RNF150: variants seen among roughly 807,000 people sequenced by gnomAD.
The protein encoded by RNF150 is ring finger protein 150.
In RNF150, 24 loss-of-function variants were observed where a neutral mutation model predicts 39.3. That is an observed-to-expected ratio of 0.61 (90% CI 0.44 to 0.86). The LOEUF is 0.86. RNF150 is among the 40% of genes least tolerant of loss of function. The pLI is 0.00. For synonymous variants in RNF150, 255 were observed against 227.3 expected (o/e 1.12, Z -1.10); for missense variants, 502 against 587.8 (o/e 0.85, Z 1.51).
intron 1 of RNF150, among the ~76,000 whole-genome samples, chr4:141,146,755 T>C (rs354940): frequency 0.98 from 149,327 of 152,270 alleles, 73,298 homozygotes; most frequent in East Asian, 1. Flanking sequence ...TGGACCCATC[T>C]TGTAGGTCCT....
chr4:141,147,897 T>C (rs1249375070), intron 1 of RNF150, among the ~76,000 whole-genome samples: 5 of 152,162 alleles, frequency 3.3e-5, no homozygotes, highest in African/African-American at 1.2e-4. Flanking sequence ...TACTCAGAAA[T>C]ATGAGGCGTA....
intron 5 of RNF150, among the ~76,000 whole-genome samples, chr4:140,923,018 C>T (rs1197858942): frequency 2.7e-5 from 4 of 150,684 alleles, no homozygotes; most frequent in Admixed American, 1.3e-4. Flanking sequence ...ATAAAAACCC[C>T]AGAAGAAAAC....
At chr4:141,020,872 AAAAT>A (rs1341763964) in intron 1 of RNF150, among the ~76,000 whole-genome samples, 1 of 152,190 alleles carries the variant, frequency 6.6e-6, no homozygotes, top group African/African-American at 2.4e-5. Context: ...ATTGGACGTG[AAAAT>A]AAATAAACAC....
intron 1 of RNF150, among the ~76,000 whole-genome samples, chr4:141,035,916 T>A (rs577892494): frequency 1.3e-5 from 2 of 152,150 alleles, no homozygotes; most frequent in South Asian, 4.2e-4. Flanking sequence ...CGACATAACA[T>A]GGCAGTCAAA....
rs373537659 is a variant in RNF150 at position 141,034,681 on chromosome 4, T to C, written c.485-66808A>G. 3.3e-5 allele frequency among the ~76,000 whole-genome samples: 5 copies of C among 152,234 alleles called. No homozygotes were observed. In the East Asian group the frequency reaches 5.8e-4, roughly 18 times the overall value. ...CGGTAGGGTTATTAATTGGCCTAAT[T>C]TTAATATTTTTGGGTCTCAAGGAAC... On this transcript the variant is annotated intron_variant, in intron 1 of 6. Transcript: ENST00000515673.
intron 1 of RNF150, among the ~76,000 whole-genome samples, chr4:141,188,083 T>C (rs1031469002): frequency 1.3e-5 from 2 of 152,146 alleles, no homozygotes; most frequent in Admixed American, 6.5e-5. Context: ...CTGGAAAGGA[T>C]TGTGTTTCTC....
intron 1 of RNF150, among the ~76,000 whole-genome samples, chr4:141,068,038 C>G (rs919265699): frequency 6.6e-6 from 1 of 151,964 alleles, no homozygotes; most frequent in Non-Finnish European, 1.5e-5. Context: ...CTCTGCCTCC[C>G]AGGTTCAAGC....
At chr4:141,051,043 A>C (rs2110889787) in intron 1 of RNF150, among the ~76,000 whole-genome samples, 1 of 152,204 alleles carries the variant, frequency 6.6e-6, no homozygotes, top group East Asian at 1.9e-4. Context: ...GCCAAATCCC[A>C]ATTCTTGACT....
intron 1 of RNF150, among the ~76,000 whole-genome samples, chr4:141,078,304 C>T (rs185154879): frequency 6.6e-6 from 1 of 152,244 alleles, no homozygotes; most frequent in Admixed American, 6.5e-5. Flanking sequence ...CTTTTTCTCT[C>T]TTCCCCTCTT....
chr4:140,922,864 T>C lies in RNF150; in HGVS notation c.987+3113A>G, dbSNP rs542690299. On this transcript the variant is annotated intron_variant, in intron 5 of 6. Coordinates refer to ENST00000515673, the MANE Select transcript of RNF150 (RefSeq NM_020724.2). The stretch of plus-strand genomic sequence containing the variant: ...TGACAAACCTGACAAAAACCAGAAA[T>C]GGGGAAAGGATTCCCTATTTAATAA... Among the ~76,000 whole-genome samples the C allele has an allele frequency of 4.5e-4, 68 of 150,494 alleles. 1 individual carries two copies. Among genetic ancestry groups the C allele is most frequent in the Non-Finnish European group, 3.1e-4 (21 of 67,974 alleles).
At chr4:140,971,869 A>C (rs2111434442) in intron 1 of RNF150, among the ~76,000 whole-genome samples, 1 of 152,230 alleles carries the variant, frequency 6.6e-6, no homozygotes, top group East Asian at 1.9e-4. Flanking sequence ...CATTTCACAA[A>C]GCCTGTAATC....
At position 141,132,246 on chromosome 4, in the gene RNF150, C is replaced by T. The variant is rs1726912918; in HGVS notation, c.484+79G>A. 2.1e-6 allele frequency: 3 copies of T among 1,448,370 alleles called. No homozygotes were observed. The highest frequency in any genetic ancestry group is 2.5e-5 in the South Asian group (2 of 78,462). The allele number at this position is 1,448,370 out of a possible 1,614,324, so 89.7% of individuals were successfully genotyped here. On this transcript the variant is annotated intron_variant, in intron 1 of 6. Transcript: ENST00000515673. This position sits in a 1 kb window ranked among gnomAD's most constrained non-coding sequence, Gnocchi z 4.9. ...CGCCGCACGGACTTCCCAGAAGGAG[C>T]CTGGAGGCAGGCGCTGGATCCCTCT...
intron 2 of RNF150, among the ~76,000 whole-genome samples, chr4:140,956,784 G>T (rs1017815521): frequency 3.3e-5 from 5 of 152,134 alleles, no homozygotes; most frequent in African/African-American, 9.7e-5. Context: ...TGACAAACCT[G>T]AGAAAAACAA....
At chr4:141,197,255 G>T (rs772775162) in intron 1 of RNF150, among the ~76,000 whole-genome samples, 1 of 152,104 alleles carries the variant, frequency 6.6e-6, no homozygotes, top group Non-Finnish European at 1.5e-5. Flanking sequence ...TTGAATATAT[G>T]TTAGTGTTGT....
Position 141,208,385 on chromosome 4 carries a change from A to G in RNF150, c.-6+4409T>C, listed in dbSNP as rs1481265416. ...CAAGGAAAAAAAAAGGCAAGAAAAG[A>G]AAAGGAACACCAGCCACCAAAGCAC... On this transcript the variant is annotated intron_variant, in intron 1 of 7. Coordinates refer to the RNF150 transcript ENST00000420921. Among the ~76,000 whole-genome samples the G allele has an allele frequency of 1.8e-4, 27 of 152,210 alleles. 1 individual carries two copies. The highest frequency in any genetic ancestry group is 1.8e-3 in the Admixed American group (27 of 15,290).
chr4:140,910,117 C>A (rs965470432), intron 6 of RNF150, among the ~76,000 whole-genome samples: 1 of 151,926 alleles, frequency 6.6e-6, no homozygotes, highest in Non-Finnish European at 1.5e-5. Flanking sequence ...GAAGTTTTTT[C>A]ATCAGAAAAA....
At chr4:140,978,047 T>C (rs558645655) in intron 1 of RNF150, among the ~76,000 whole-genome samples, 86 of 152,268 alleles carry the variant, frequency 5.6e-4, no homozygotes, top group African/African-American at 1.9e-3. Flanking sequence ...TCCCAAGAGA[T>C]AAAAACTTAA....
chr4:140,986,039 G>T (rs951168434), intron 1 of RNF150, among the ~76,000 whole-genome samples: 10 of 152,040 alleles, frequency 6.6e-5, no homozygotes, highest in Non-Finnish European at 1.5e-4. Flanking sequence ...TAATAATATT[G>T]CAGCCAAGCT....
intron 1 of RNF150, among the ~76,000 whole-genome samples, chr4:141,084,730 T>C (rs1422677193): frequency 2.6e-5 from 4 of 152,210 alleles, no homozygotes; most frequent in Non-Finnish European, 4.4e-5. Flanking sequence ...AAGATTCACT[T>C]TGTCAAAATT....
Sources: gnomAD v4.1 joint callset for allele counts (sites outside exome capture counted in the v4.1 genomes callset) on GRCh38, gnomAD v4.1.1 for gene constraint, Gnocchi (gnomAD v3.1) non-coding constraint, MANE v1.5 for transcripts, NCBI Gene and HGNC (gene_info 2026-07-23, HGNC 2026-07-21) for gene names.